Variants in SPATA16 observed in about 807,000 individuals in gnomAD.
SPATA16 encodes spermatogenesis-associated protein 16.
SPATA16 carries 36 observed loss-of-function variants against 63.3 expected under a neutral mutation model. The ratio of observed to expected loss-of-function variants is 0.57; its 90% confidence interval spans 0.44 to 0.75. The LOEUF (loss-of-function observed/expected upper bound fraction) is 0.75, where lower values mean the gene tolerates loss of function less well. Among genes scored for constraint, SPATA16 ranks in the 30% least tolerant of loss-of-function variants. The pLI, the probability that SPATA16 is intolerant of heterozygous loss-of-function variation, is 0.00. For synonymous variants in SPATA16, 203 were observed against 216.7 expected, an observed-to-expected ratio of 0.94 and a Z score of 0.56; for missense variants, 646 against 679.3, an observed-to-expected ratio of 0.95 and a Z score of 0.54.
chr3:172,956,586 G>C, intron 6 of SPATA16, 91 bp downstream of exon 6: 1 of 1,446,498 alleles, frequency 6.9e-7, no homozygotes, highest in Non-Finnish European at 9.4e-7. Flanking sequence ...TCCTAAAACA[G>C]AAACAATAAA....
At chr3:172,906,862 C>A (rs916602984) in intron 10 of SPATA16, among the ~76,000 whole-genome samples, 10 of 152,198 alleles carry the variant, frequency 6.6e-5, no homozygotes, top group African/African-American at 2.2e-4. Flanking sequence ...CTGCCTCAGC[C>A]TCCCCAGTAG....
chr3:172,952,944 A>G (rs1303459735), intron 6 of SPATA16, among the ~76,000 whole-genome samples: 10 of 150,064 alleles, frequency 6.7e-5, no homozygotes, highest in Admixed American at 6.6e-4. Context: ...ATCTCAAAAA[A>G]AAAAAAAAAA....
chr3:173,063,083 C>T (rs1393223496), intron 2 of SPATA16, among the ~76,000 whole-genome samples: 1 of 152,152 alleles, frequency 6.6e-6, no homozygotes, highest in East Asian at 1.9e-4. Flanking sequence ...ACTAATATTG[C>T]TTTCTTAATT....
intron 2 of SPATA16, among the ~76,000 whole-genome samples, chr3:173,111,953 A>T (rs1459539205): frequency 6.6e-6 from 1 of 152,218 alleles, no homozygotes. Context: ...ATTGAAATAT[A>T]ACTGTTTTTA....
intron 5 of SPATA16, among the ~76,000 whole-genome samples, chr3:172,969,952 C>T (rs1221108061): frequency 6.6e-6 from 1 of 152,100 alleles, no homozygotes. Flanking sequence ...GCGAAAGATC[C>T]GTGAAATACA....
At chr3:172,896,287 C>G (rs1170214279) in intron 10 of SPATA16, among the ~76,000 whole-genome samples, 1 of 152,308 alleles carries the variant, frequency 6.6e-6, no homozygotes, top group East Asian at 1.9e-4. Flanking sequence ...GTGGCGTGAT[C>G]TCGGCTCACT....
rs115547018 is a variant in SPATA16 at position 172,976,413 on chromosome 3, C to A, written c.933+555G>T. 2.9e-3 allele frequency among the ~76,000 whole-genome samples: 447 copies of A among 152,032 alleles called. 2 individuals are homozygous for A. The highest frequency in any genetic ancestry group is 0.01 in the African/African-American group (422 of 41,458). On this transcript the variant is annotated intron_variant, in intron 5 of 10. Transcript: ENST00000351008. ...AGATTGAACTAATAAATCCAAAATT[C>A]TTCTTATACGTTTAAGAAATTATGA...
chr3:173,009,822 A>C (rs985390602), intron 4 of SPATA16, among the ~76,000 whole-genome samples: 3 of 152,224 alleles, frequency 2.0e-5, no homozygotes, highest in African/African-American at 4.8e-5. Flanking sequence ...TTTATTGTAA[A>C]CGAAAGTGCA....
intron 4 of SPATA16, among the ~76,000 whole-genome samples, chr3:172,997,001 C>T (rs1473021483): frequency 6.6e-6 from 1 of 152,052 alleles, no homozygotes; most frequent in Admixed American, 6.6e-5. Context: ...ATTCTATTGT[C>T]TAGATGTTCC....
chr3:173,084,995 A>G (rs1288165950), intron 2 of SPATA16, among the ~76,000 whole-genome samples: 1 of 152,138 alleles, frequency 6.6e-6, no homozygotes, highest in African/African-American at 2.4e-5. Flanking sequence ...TGTCCTGGTT[A>G]TGTGGGCTCT....
intron 5 of SPATA16, among the ~76,000 whole-genome samples, chr3:172,961,383 T>G (rs958677859): frequency 6.6e-6 from 1 of 152,158 alleles, no homozygotes; most frequent in African/African-American, 2.4e-5. Flanking sequence ...TTGGAGAGGC[T>G]TAAGAGACTT....
At chr3:173,130,755 T>C (rs1055595007) in intron 1 of SPATA16, among the ~76,000 whole-genome samples, 1 of 152,240 alleles carries the variant, frequency 6.6e-6, no homozygotes, top group African/African-American at 2.4e-5. Flanking sequence ...ATACTAAAGA[T>C]AATATAATTA....
Position 172,930,397 on chromosome 3 carries a change from C to A in SPATA16, c.1082-4905G>T, listed in dbSNP as rs1232599339. On this transcript the variant is annotated intron_variant, in intron 6 of 10. Coordinates refer to ENST00000351008, the MANE Select transcript of SPATA16 (RefSeq NM_031955.6). ...TGCCTTTGCTTATCTGGCCTCTGAA[C>A]TTTTGCTTGTGATTTTCCACTCAGA... Among the ~76,000 whole-genome samples the A allele has an allele frequency of 2.0e-5, 3 of 152,102 alleles. No individual in the cohort carries two copies. In the East Asian group the frequency reaches 5.8e-4, roughly 29 times the overall value.
intron 5 of SPATA16, among the ~76,000 whole-genome samples, chr3:172,964,537 G>A (rs34841332): frequency 0.02 from 3,044 of 152,236 alleles, 108 homozygotes; most frequent in African/African-American, 0.07. Flanking sequence ...TAGTTCATAA[G>A]GACAACTGGG....
chr3:173,066,364 G>T (rs1175475415), intron 2 of SPATA16, among the ~76,000 whole-genome samples: 2 of 152,198 alleles, frequency 1.3e-5, no homozygotes, highest in African/African-American at 4.8e-5. Context: ...TATTGTTCTT[G>T]TCTGCAAGAC....
At chr3:172,963,623 T>A (rs2108241291) in intron 5 of SPATA16, among the ~76,000 whole-genome samples, 1 of 152,230 alleles carries the variant, frequency 6.6e-6, no homozygotes, top group South Asian at 2.1e-4. Flanking sequence ...ATGTGATGCA[T>A]CCATTAACTA....
At position 172,995,987 on chromosome 3, in the gene SPATA16, A is replaced by T. The variant is rs115692991; in HGVS notation, c.849-18935T>A. 9.9e-3 allele frequency among the ~76,000 whole-genome samples: 1,508 copies of T among 152,192 alleles called. 14 individuals are homozygous for T. The highest frequency in any genetic ancestry group is 0.034 in the Middle Eastern group (10 of 294). Reference sequence around the variant, plus strand: ...CGTTAATGTCCTTTTTTTCTGTTCAAGTATCCAATTTAGTTACATAACCTT... The same window carrying T: ...CGTTAATGTCCTTTTTTTCTGTTCATGTATCCAATTTAGTTACATAACCTT... On this transcript the variant is annotated intron_variant, in intron 4 of 10. Transcript: ENST00000351008.
At chr3:173,046,094 A>G (rs1560105847) in intron 3 of SPATA16, among the ~76,000 whole-genome samples, 1 of 152,080 alleles carries the variant, frequency 6.6e-6, no homozygotes, top group Admixed American at 6.6e-5. Context: ...ATATATTTAT[A>G]TAATAAAAGA....
intron 5 of SPATA16, among the ~76,000 whole-genome samples, chr3:172,958,324 A>G (rs1314801449): frequency 2.0e-5 from 3 of 152,184 alleles, no homozygotes; most frequent in Non-Finnish European, 4.4e-5. Context: ...GAACTCAAAT[A>G]AGGTGTTTAG....
Sources: gnomAD v4.1 joint callset for allele counts (sites outside exome capture counted in the v4.1 genomes callset) on GRCh38, gnomAD v4.1.1 for gene constraint, MANE v1.5 for transcripts, NCBI Gene and HGNC (gene_info 2026-07-23, HGNC 2026-07-21) for gene names.